Variants in SMAD9 observed in about 807,000 individuals in gnomAD.
SMAD9 encodes MAD homolog 9.
SMAD9 carries 36 observed loss-of-function variants against 46.1 expected under a neutral mutation model. The observed-to-expected ratio is 0.78, with a 90% CI of 0.60 to 1.03. The LOEUF (loss-of-function observed/expected upper bound fraction) is 1.03, where lower values mean the gene tolerates loss of function less well. Among genes scored for constraint, SMAD9 ranks in the 50% least tolerant of loss-of-function variants. The pLI, the probability that SMAD9 is intolerant of heterozygous loss-of-function variation, is 0.00. For synonymous variants in SMAD9, 245 were observed against 237.1 expected, an observed-to-expected ratio of 1.03 and a Z score of -0.31; for missense variants, 572 against 599.8, an observed-to-expected ratio of 0.95 and a Z score of 0.48.
At chr13:36,860,603 C>T (rs2058171771) in intron 5 of SMAD9, among the ~76,000 whole-genome samples, 1 of 151,878 alleles carries the variant, frequency 6.6e-6, no homozygotes, top group Admixed American at 6.6e-5. Flanking sequence ...GTGCCTGCCA[C>T]CACGCCCGGC....
At chr13:36,914,269 C>G (rs1304794446) in intron 1 of SMAD9, among the ~76,000 whole-genome samples, 1 of 152,192 alleles carries the variant, frequency 6.6e-6, no homozygotes, top group African/African-American at 2.4e-5. Flanking sequence ...CCTGTAAACC[C>G]AGCACTTTGG....
chr13:36,895,638 A>G (rs2058521871), intron 1 of SMAD9, among the ~76,000 whole-genome samples: 1 of 152,240 alleles, frequency 6.6e-6, no homozygotes, highest in Non-Finnish European at 1.5e-5. Context: ...ATAGAAATTA[A>G]GCAGAATTTC....
intron 1 of SMAD9, among the ~76,000 whole-genome samples, chr13:36,902,105 T>C (rs2058581334): frequency 6.6e-6 from 1 of 152,248 alleles, no homozygotes; most frequent in South Asian, 2.1e-4. Flanking sequence ...TAAAAGTTTA[T>C]GGTTTTAGCT....
chr13:36,915,517 G>C (rs933637190), intron 1 of SMAD9, among the ~76,000 whole-genome samples: 2 of 152,062 alleles, frequency 1.3e-5, no homozygotes, highest in Non-Finnish European at 2.9e-5. Context: ...CAGTGAATCA[G>C]CTAATCAGAG....
intron 1 of SMAD9, among the ~76,000 whole-genome samples, chr13:36,911,333 T>C (rs996203006): frequency 5.3e-5 from 8 of 152,164 alleles, no homozygotes; most frequent in East Asian, 1.9e-4. Context: ...TTAAGCCCCA[T>C]GTAATTAATT....
intron 1 of SMAD9, among the ~76,000 whole-genome samples, chr13:36,883,553 C>T (rs936754923): frequency 6.6e-6 from 1 of 152,174 alleles, no homozygotes; most frequent in Admixed American, 6.5e-5. Flanking sequence ...GAATTTGAGA[C>T]CAGCCTGGAC....
rs2058050363 is a variant in SMAD9 at position 36,848,553 on chromosome 13, G to C, written c.*123C>G. The stretch of plus-strand genomic sequence containing the variant: ...AACAAACGGTGATTAAAAAAAATAA[G>C]AACAGTATACATTCTATGTATTTAC... On this transcript the variant is annotated 3_prime_UTR_variant, in exon 7 of 7. Coordinates refer to ENST00000379826, the MANE Select transcript of SMAD9 (RefSeq NM_001127217.3). 1.1e-5 allele frequency: 11 copies of C among 958,900 alleles called. No individual in the cohort carries two copies. Among genetic ancestry groups the C allele is most frequent in the Non-Finnish European group, 3.4e-6 (2 of 592,978 alleles). 59.4% of individuals were successfully genotyped at this position (958,900 alleles called of 1,614,324 possible). A position where few individuals can be genotyped will look rare whatever the true frequency, so the allele number is the denominator to read the frequency against.
chr13:36,896,201 C>G (rs1450570159), intron 1 of SMAD9, among the ~76,000 whole-genome samples: 1 of 151,976 alleles, frequency 6.6e-6, no homozygotes, highest in Non-Finnish European at 1.5e-5. Flanking sequence ...GGCACGATCT[C>G]GGCTCACTGC....
intron 3 of SMAD9, among the ~76,000 whole-genome samples, chr13:36,871,564 T>C (rs1316876004): frequency 6.6e-6 from 1 of 152,166 alleles, no homozygotes; most frequent in African/African-American, 2.4e-5. Context: ...TGTGTAGTAA[T>C]TTATTTATTC....
intron 5 of SMAD9, among the ~76,000 whole-genome samples, chr13:36,864,671 C>T (rs1278696322): frequency 2.0e-5 from 3 of 152,166 alleles, no homozygotes; most frequent in Non-Finnish European, 4.4e-5. Context: ...TGTTTCTAAA[C>T]AATGGCTTTT....
intron 1 of SMAD9, among the ~76,000 whole-genome samples, chr13:36,911,711 T>C (rs1231760289): frequency 6.7e-6 from 1 of 149,914 alleles, no homozygotes; most frequent in Non-Finnish European, 1.5e-5. Flanking sequence ...ATTTATTTTT[T>C]ATTTTTTATT....
chr13:36,850,961 C>T (rs1291366976), intron 6 of SMAD9, among the ~76,000 whole-genome samples: 1 of 152,178 alleles, frequency 6.6e-6, no homozygotes, highest in Non-Finnish European at 1.5e-5. Context: ...TTCCACTTCT[C>T]ACAGCTGTAC....
rs369318330 is a variant in SMAD9 at position 36,879,739 on chromosome 13, C to T, written c.-50G>A. 4.0e-4 allele frequency: 635 copies of T among 1,607,290 alleles called. No homozygotes were observed. Among genetic ancestry groups the T allele is most frequent in the Non-Finnish European group, 5.1e-4 (597 of 1,177,350 alleles). On this transcript the variant is annotated 5_prime_UTR_variant, in exon 2 of 7. In the 5' UTR this introduces an upstream ATG that the reference lacks. Transcript: ENST00000379826. ...CGCACGGGAACCGCACAGCCCTTCA[C>T]GGCAAAGTGGGCGGCGAGTAGCTCT...
At position 36,898,100 on chromosome 13, in the gene SMAD9, C is replaced by T. The variant is rs60606448; in HGVS notation, c.-186-18225G>A. On this transcript the variant is annotated intron_variant, in intron 1 of 6. Coordinates refer to ENST00000379826, the MANE Select transcript of SMAD9 (RefSeq NM_001127217.3). The stretch of plus-strand genomic sequence containing the variant: ...GTCTCAACCTCCTGACCTCGTGATC[C>T]GCCCGCCTCGGCCTCCCAAAGTGCT... Among the ~76,000 whole-genome samples the T allele has an allele frequency of 3.6e-3, 544 of 151,850 alleles. 2 individuals are homozygous for T. Among genetic ancestry groups the T allele is most frequent in the Middle Eastern group, 0.02 (6 of 294 alleles).
At chr13:36,857,430 C>T (rs772740364) in intron 5 of SMAD9, among the ~76,000 whole-genome samples, 1 of 152,068 alleles carries the variant, frequency 6.6e-6, no homozygotes, top group Non-Finnish European at 1.5e-5. Context: ...TCTGTATCTG[C>T]TTGGGCTGTG....
At position 36,913,473 on chromosome 13, in the gene SMAD9, C is replaced by G. The variant is rs553678030; in HGVS notation, c.-187+6643G>C. On this transcript the variant is annotated intron_variant, in intron 1 of 6. Coordinates refer to ENST00000379826, the MANE Select transcript of SMAD9 (RefSeq NM_001127217.3). ...TCCACCTTCTAAAGTGATTGCTACA[C>G]CCACAAAATTGCAACACTTTAAAAC... Among the ~76,000 whole-genome samples the G allele has an allele frequency of 1.2e-3, 182 of 152,210 alleles. 1 individual carries two copies. The highest frequency in any genetic ancestry group is 2.1e-3 in the Non-Finnish European group (146 of 68,032).
At chr13:36,903,617 TGAGA>T (rs1008740068) in intron 1 of SMAD9, among the ~76,000 whole-genome samples, 3 of 152,330 alleles carry the variant, frequency 2.0e-5, no homozygotes, top group Admixed American at 6.5e-5. Flanking sequence ...TTCTTTGAAC[TGAGA>T]GAGAAAATAG....
At chr13:36,918,526 C>T (rs1030183509) in intron 1 of SMAD9, among the ~76,000 whole-genome samples, 14 of 152,224 alleles carry the variant, frequency 9.2e-5, no homozygotes, top group Admixed American at 9.2e-4. Flanking sequence ...TTTTCGGATA[C>T]AGTACTTGAA....
chr13:36,902,085 T>A (rs1593617400), intron 1 of SMAD9, among the ~76,000 whole-genome samples: 1 of 152,234 alleles, frequency 6.6e-6, no homozygotes, highest in East Asian at 1.9e-4. Flanking sequence ...TATTTACCAA[T>A]GTTTTCTTCT....
Sources: allele counts gnomAD v4.1 joint callset (sites outside exome capture counted in the v4.1 genomes callset), GRCh38; gene constraint gnomAD v4.1.1; transcripts MANE v1.5; gene names NCBI Gene and HGNC (gene_info 2026-07-23, HGNC 2026-07-21).